Variants in SLC27A2 observed in about 807,000 individuals in gnomAD.
SLC27A2 encodes the protein long-chain fatty acid transport protein 2.
Under a neutral mutation model 60.0 loss-of-function variants are expected in SLC27A2, and 54 were observed. The ratio of observed to expected loss-of-function variants is 0.90; its 90% CI spans 0.72 to 1.13. The LOEUF (loss-of-function observed/expected upper bound fraction) is 1.13, where lower values mean the gene tolerates loss of function less well. Ranked by LOEUF, SLC27A2 falls within the 50% of genes most tolerant of loss-of-function variation. The pLI is 0.00. For synonymous variants in SLC27A2, 297 were observed against 297.6 expected (o/e 1.00, Z 0.02); for missense variants, 739 against 777.6 (o/e 0.95, Z 0.59).
chr15:50,206,146 G>A (rs770646629), intron 4 of SLC27A2, among the ~76,000 whole-genome samples: 10 of 152,044 alleles, frequency 6.6e-5, no homozygotes, highest in Non-Finnish European at 1.3e-4. Context: ...TCTTTGCCGC[G>A]CGGACTTATT....
intron 1 of SLC27A2, among the ~76,000 whole-genome samples, chr15:50,191,382 C>G (rs933855): frequency 0.89 from 135,463 of 152,156 alleles, 60,668 homozygotes; most frequent in East Asian, 0.95. Flanking sequence ...AGACACTTTG[C>G]CCAAGGTTAA....
intron 4 of SLC27A2, among the ~76,000 whole-genome samples, chr15:50,208,461 C>G (rs955767036): frequency 6.6e-6 from 1 of 152,204 alleles, no homozygotes; most frequent in Admixed American, 6.5e-5. Flanking sequence ...ATAATAGTAC[C>G]TACCTCACAT....
At position 50,182,877 on chromosome 15, in the gene SLC27A2, C is replaced by G. The variant is rs1416402040; in HGVS notation, c.450C>G (p.Cys150Trp). The G allele has an allele frequency of 6.2e-7, 1 of 1,611,062 alleles. No individual in the cohort carries two copies. The highest frequency in any genetic ancestry group is 8.5e-7 in the Non-Finnish European group (1 of 1,179,160). The change falls in exon 1 of 10, where the codon TGC becomes TGG. Residue 150 changes from cysteine to tryptophan, a missense_variant. By Grantham distance (215) the Cys-to-Trp change is radical. Coordinates refer to ENST00000267842, the MANE Select transcript of SLC27A2 (RefSeq NM_003645.4). ...CCCTGCTGCACTGCTTCCAGTGCTG[C>G]GGGGCGAAGGTGCTGCTGGTGTCGC... ...AKSLLHCFQC[C>W]GAKVLLVSPE...
chr15:50,200,147 G>C (rs553567272), intron 2 of SLC27A2, among the ~76,000 whole-genome samples: 2 of 152,254 alleles, frequency 1.3e-5, no homozygotes, highest in African/African-American at 2.4e-5. Flanking sequence ...AAATTTCAGA[G>C]GCCAGGCATG....
intron 1 of SLC27A2, among the ~76,000 whole-genome samples, chr15:50,195,640 T>C (rs866880224): frequency 6.6e-6 from 1 of 152,180 alleles, no homozygotes; most frequent in South Asian, 2.1e-4. Flanking sequence ...TGCATGAGTC[T>C]TTTGATTAAA....
At chr15:50,208,486 C>T (rs1358244420) in intron 4 of SLC27A2, among the ~76,000 whole-genome samples, 1 of 152,218 alleles carries the variant, frequency 6.6e-6, no homozygotes, top group Non-Finnish European at 1.5e-5. Context: ...TCTATGAAGA[C>T]AACCTGAGAT....
intron 7 of SLC27A2, 90 bp from the exon 8 acceptor site, chr15:50,228,855 C>A: frequency 1.2e-6 from 1 of 857,534 alleles, no homozygotes. Flanking sequence ...CAGGATCATG[C>A]AGAAATCTAA....
Position 50,182,858 on chromosome 15 carries a change from T to G in SLC27A2, c.431T>G (p.Leu144Arg). The G allele has an allele frequency of 1.2e-6, 2 of 1,613,008 alleles. No individual in the cohort carries two copies. The highest frequency in any genetic ancestry group is 1.7e-6 in the Non-Finnish European group (2 of 1,179,910). ...TACAACATCCGCGCGAAGTCCCTGC[T>G]GCACTGCTTCCAGTGCTGCGGGGCG... ...LNYNIRAKSLLHCFQCCGAKV... is the reference protein window; with the variant it reads ...LNYNIRAKSLRHCFQCCGAKV... Residue 144 changes from leucine to arginine, a missense_variant, in exon 1 of 10, where the codon CTG becomes CGG. Transcript: ENST00000267842.
Position 50,197,637 on chromosome 15 carries a change from A to G in SLC27A2, c.616A>G (p.Ile206Val), listed in dbSNP as rs778905393. 1.2e-6 allele frequency: 2 copies of G among 1,614,006 alleles called. No individual in the cohort carries two copies. Among genetic ancestry groups the G allele is most frequent in the African/African-American group, 2.7e-5 (2 of 74,936 alleles). The change falls in exon 2 of 10, where the codon ATC becomes GTC. Residue 206 changes from isoleucine (I) to valine (V), a missense_variant. Physicochemically the swap from Ile to Val is conservative, Grantham distance 29 (BLOSUM62 3). Coordinates refer to ENST00000267842, the MANE Select transcript of SLC27A2 (RefSeq NM_003645.4). ...AGTGGATGAAGTATCAACTGAACCT[A>G]TCCCAGAGTCATGGAGGTCTGAAGT... ...DKVDEVSTEP[I>V]PESWRSEVTF... is the part of the protein sequence containing the mutation.
chr15:50,218,130 A>G (rs1182743613), intron 4 of SLC27A2, among the ~76,000 whole-genome samples: 4 of 151,666 alleles, frequency 2.6e-5, no homozygotes, highest in Non-Finnish European at 1.5e-5. Context: ...CCTCAGAGAG[A>G]CTGGAGAAGA....
chr15:50,213,058 C>A (rs1327522104), intron 4 of SLC27A2, among the ~76,000 whole-genome samples: 5 of 152,186 alleles, frequency 3.3e-5, no homozygotes, highest in Admixed American at 3.3e-4. Context: ...CTTCAGGAGA[C>A]TCACCTAGCA....
At chr15:50,196,067 A>ATAAAAAAAT (rs71424049) in intron 1 of SLC27A2, among the ~76,000 whole-genome samples, 1 of 24,118 alleles carries the variant, frequency 4.1e-5, no homozygotes, top group Non-Finnish European at 8.7e-5. Flanking sequence ...AAAAAAAAAA[A>ATAAAAAAAT]AAAAAAAAAA....
chr15:50,196,681 A>G (rs2045026178), intron 1 of SLC27A2, among the ~76,000 whole-genome samples: 1 of 152,198 alleles, frequency 6.6e-6, no homozygotes, highest in Non-Finnish European at 1.5e-5. Flanking sequence ...CTCAGTTTAA[A>G]TGATTTTAAC....
In SLC27A2 at chr15:50,202,634, G is replaced by A. The variant is rs1252465975; in HGVS notation, c.836G>A (p.Cys279Tyr). 4 of 1,613,104 alleles carry A rather than the reference G, an allele frequency of 2.5e-6. No individual in the cohort carries two copies. Among genetic ancestry groups the A allele is most frequent in the South Asian group, 1.1e-5 (1 of 91,030 alleles). The change falls in exon 3 of 10, where the codon TGT becomes TAT. Residue 279 changes from cysteine to tyrosine, a missense_variant. By Grantham distance (194) the Cys-to-Tyr change is radical. Transcript: ENST00000267842. ...GCACTACTGATTGGCATTCACGGATGTATTGTGGCTGGTAAGCTTTTTCTA... is the reference window on the plus strand; with the variant it reads ...GCACTACTGATTGGCATTCACGGATATATTGTGGCTGGTAAGCTTTTTCTA... Reference protein sequence around the residue: ...SAALLIGIHGCIVAGATLALR... With the variant: ...SAALLIGIHGYIVAGATLALR...
At chr15:50,205,405 G>A in intron 4 of SLC27A2, 42 bp downstream of exon 4, 1 of 1,572,234 alleles carries the variant, frequency 6.4e-7, no homozygotes, top group Non-Finnish European at 8.7e-7. Flanking sequence ...AAATGGGTAA[G>A]ATGGAAATTC....
At chr15:50,190,578 C>A (rs934601386) in intron 1 of SLC27A2, among the ~76,000 whole-genome samples, 1 of 150,092 alleles carries the variant, frequency 6.7e-6, no homozygotes, top group African/African-American at 2.5e-5. Flanking sequence ...TGCCTTCTAG[C>A]AATGGACTTG....
At chr15:50,183,119 C>G (rs1435597269) in intron 1 of SLC27A2, among the ~76,000 whole-genome samples, 1 of 152,248 alleles carries the variant, frequency 6.6e-6, no homozygotes, top group Non-Finnish European at 1.5e-5. Flanking sequence ...GTGTTAAGCA[C>G]TCTACAGGCA....
chr15:50,191,921 A>G (rs947704235), intron 1 of SLC27A2, among the ~76,000 whole-genome samples: 2 of 152,068 alleles, frequency 1.3e-5, no homozygotes, highest in Non-Finnish European at 2.9e-5. Context: ...TTAGCCGGGC[A>G]TGGTGACAGC....
At chr15:50,208,544 CAT>C (rs963988808) in intron 4 of SLC27A2, among the ~76,000 whole-genome samples, 9 of 152,320 alleles carry the variant, frequency 5.9e-5, no homozygotes, top group African/African-American at 2.2e-4. Flanking sequence ...ATTCTCAACA[CAT>C]GTTGCCATTA....
Sources: gnomAD v4.1 joint callset for allele counts (sites outside exome capture counted in the v4.1 genomes callset) on GRCh38, gnomAD v4.1.1 for gene constraint, MANE v1.5 for transcripts, NCBI Gene and HGNC (gene_info 2026-07-23, HGNC 2026-07-21) for gene names.